Variants in CYTH3 observed in about 807,000 individuals in gnomAD.
CYTH3 encodes cytohesin-3.
CYTH3 carries 23 observed loss-of-function variants against 55.1 expected under a neutral mutation model. That is an observed-to-expected ratio of 0.42 (90% CI 0.30 to 0.59). CYTH3 has a LOEUF of 0.59. Ranked by LOEUF, CYTH3 falls within the 20% of genes least tolerant of loss-of-function variation. CYTH3 has a pLI of 0.20. For synonymous variants in CYTH3, 249 were observed against 194.9 expected (o/e 1.28, Z -2.31); for missense variants, 413 against 524.8 (o/e 0.79, Z 2.08).
In CYTH3 at chr7:6,272,493, G is replaced by T; in HGVS notation, c.15C>A (p.Gly5=). 7.4e-7 allele frequency: 1 copy of T among 1,360,410 alleles called. No homozygotes were observed. The highest frequency in any genetic ancestry group is 9.6e-7 in the Non-Finnish European group (1 of 1,046,590). 84.3% of individuals were successfully genotyped at this position (1,360,410 alleles called of 1,614,324 possible). ...ACTCACCGCCACCACCCTCGCCGCC[G>T]CCGTCTTCATCCATCTTGAGGCCAC... MDED[G]GGEGGGVPED... Residue 5 remains glycine (G), a synonymous_variant, in exon 1 of 13, where the codon GGC becomes GGA. Coordinates refer to ENST00000350796, the MANE Select transcript of CYTH3 (RefSeq NM_004227.4).
At position 6,244,885 on chromosome 7, in the gene CYTH3, T is replaced by A. The variant is rs935068078; in HGVS notation, c.34+27589A>T. On this transcript the variant is annotated intron_variant, in intron 1 of 12. Coordinates refer to ENST00000350796, the MANE Select transcript of CYTH3 (RefSeq NM_004227.4). ...CTCACTGCAACCTCTGCCTCCCGGGTTCACGCCATTCTCCTGCCTCAGCCT... is the reference window on the plus strand; with the variant it reads ...CTCACTGCAACCTCTGCCTCCCGGGATCACGCCATTCTCCTGCCTCAGCCT... Among the ~76,000 whole-genome samples the A allele has an allele frequency of 2.1e-5, 3 of 145,522 alleles. No homozygotes were observed. In the South Asian group the frequency reaches 6.7e-4, roughly 33 times the overall value.
Position 6,164,620 on chromosome 7 carries a change from T to A in CYTH3, c.*324A>T. ...AAGCTGCTGTCCTGGCTTCTCCCCC[T>A]AGGGGCGCCGGGATGGTCGCAGGAA... is the stretch of plus-strand genomic sequence containing the variant. On this transcript the variant is annotated 3_prime_UTR_variant, in exon 13 of 13. Coordinates refer to ENST00000350796, the MANE Select transcript of CYTH3 (RefSeq NM_004227.4). 2.6e-6 allele frequency: 1 copy of A among 383,862 alleles called. No individual in the cohort carries two copies. 23.8% of individuals were successfully genotyped at this position (383,862 alleles called of 1,614,324 possible). A position where few individuals can be genotyped will look rare whatever the true frequency, so the allele number is the denominator to read the frequency against.
Position 6,164,892 on chromosome 7 carries a change from G to A in CYTH3, c.*52C>T, listed in dbSNP as rs2128535085. 2.5e-6 allele frequency: 4 copies of A among 1,606,696 alleles called. No individual in the cohort carries two copies. The highest frequency in any genetic ancestry group is 1.7e-5 in the Admixed American group (1 of 59,952). ...GCCTTCCGCGGAGGGGCCGCCCGCG[G>A]TGTCTTTCTGCTGGGGTTGGGTCTT... On this transcript the variant is annotated 3_prime_UTR_variant, in exon 13 of 13. Coordinates refer to ENST00000350796, the MANE Select transcript of CYTH3 (RefSeq NM_004227.4).
chr7:6,214,830 G>A (rs575891427), intron 1 of CYTH3, among the ~76,000 whole-genome samples: 98 of 152,016 alleles, frequency 6.4e-4, no homozygotes, highest in Non-Finnish European at 1.2e-3. Context: ...ATGCCAAAGC[G>A]AATATTCGCT....
intron 1 of CYTH3, among the ~76,000 whole-genome samples, chr7:6,255,066 T>A (rs1182067780): frequency 6.6e-6 from 1 of 152,206 alleles, no homozygotes; most frequent in African/African-American, 2.4e-5. Context: ...GACTAACAGT[T>A]TTGAATGCCT....
intron 1 of CYTH3, among the ~76,000 whole-genome samples, chr7:6,200,061 T>C (rs1238893193): frequency 6.6e-6 from 1 of 152,216 alleles, no homozygotes; most frequent in Non-Finnish European, 1.5e-5. Context: ...AGATGTATGC[T>C]TAATTTCAGG....
chr7:6,186,267 T>C (rs1583759149), intron 4 of CYTH3, among the ~76,000 whole-genome samples: 1 of 130,634 alleles, frequency 7.7e-6, no homozygotes, highest in Non-Finnish European at 1.6e-5. Flanking sequence ...AAAAAAAAAG[T>C]GCAGACCGAC....
chr7:6,257,801 T>C lies in CYTH3; in HGVS notation c.34+14673A>G, dbSNP rs927854454. Among the ~76,000 whole-genome samples, 12 of 152,278 alleles carry C rather than the reference T, an allele frequency of 7.9e-5. No homozygotes were observed. The South Asian group carries it at 8.3e-4, about 11-fold the overall frequency. On this transcript the variant is annotated intron_variant, in intron 1 of 12. Transcript: ENST00000350796. ...CAAGTTACAGTACACTGCTGTTCAA[T>C]CATTTAAACAAGAGGGGTATTTACT...
At chr7:6,248,589 C>T (rs963123226) in intron 1 of CYTH3, among the ~76,000 whole-genome samples, 1 of 152,150 alleles carries the variant, frequency 6.6e-6, no homozygotes, top group Non-Finnish European at 1.5e-5. Flanking sequence ...GTGTTGAAGC[C>T]GCGTGTGTCC....
At chr7:6,220,814 G>A (rs757921155) in intron 1 of CYTH3, among the ~76,000 whole-genome samples, 9 of 152,168 alleles carry the variant, frequency 5.9e-5, no homozygotes, top group Non-Finnish European at 8.8e-5. Context: ...TGGGCAACAC[G>A]GTGAAACCCC....
intron 1 of CYTH3, among the ~76,000 whole-genome samples, chr7:6,214,010 G>C (rs961438100): frequency 7.9e-5 from 12 of 152,178 alleles, no homozygotes; most frequent in African/African-American, 2.9e-4. Context: ...CCTTGTAAGA[G>C]GAACTAGAGC....
At chr7:6,257,758 A>G (rs1421484806) in intron 1 of CYTH3, among the ~76,000 whole-genome samples, 1 of 152,192 alleles carries the variant, frequency 6.6e-6, no homozygotes, top group Non-Finnish European at 1.5e-5. Context: ...CCAGTATCAC[A>G]CCAGATGCCT....
At chr7:6,243,277 T>C (rs1414685023) in intron 1 of CYTH3, among the ~76,000 whole-genome samples, 3 of 152,130 alleles carry the variant, frequency 2.0e-5, no homozygotes, top group African/African-American at 4.8e-5. Context: ...TCTCTGTGCA[T>C]AGAGGAGCAG....
chr7:6,218,731 G>A (rs1784479799), intron 1 of CYTH3, among the ~76,000 whole-genome samples: 1 of 152,140 alleles, frequency 6.6e-6, no homozygotes, highest in Non-Finnish European at 1.5e-5. Context: ...CACTTGCCAG[G>A]CACGGTGGCT....
At chr7:6,190,097 T>G (rs766428849) in intron 2 of CYTH3, among the ~76,000 whole-genome samples, 7 of 152,132 alleles carry the variant, frequency 4.6e-5, no homozygotes, top group Admixed American at 3.3e-4. Flanking sequence ...AGGGTCTCAG[T>G]GCACAATTTG....
chr7:6,251,690 T>C (rs1214366004), intron 1 of CYTH3, among the ~76,000 whole-genome samples: 1 of 152,204 alleles, frequency 6.6e-6, no homozygotes, highest in Non-Finnish European at 1.5e-5. Flanking sequence ...ATAATAAATA[T>C]GTTTATGACT....
intron 1 of CYTH3, among the ~76,000 whole-genome samples, chr7:6,240,224 G>C (rs974338819): frequency 1.3e-5 from 2 of 148,854 alleles, no homozygotes; most frequent in Non-Finnish European, 3.0e-5. Context: ...AATTGCTTCA[G>C]CCTGGGATGT....
chr7:6,234,353 T>C (rs867017689), intron 1 of CYTH3, among the ~76,000 whole-genome samples: 3 of 152,286 alleles, frequency 2.0e-5, no homozygotes, highest in South Asian at 4.1e-4. Context: ...AGGACTGCCT[T>C]CCCAAGAATT....
intron 1 of CYTH3, among the ~76,000 whole-genome samples, chr7:6,257,864 C>T (rs766318231): frequency 9.9e-5 from 15 of 152,088 alleles, no homozygotes; most frequent in Non-Finnish European, 1.6e-4. Flanking sequence ...AGGGAGGTTC[C>T]TGGGTGGGTG....
Sources: allele counts gnomAD v4.1 joint callset (sites outside exome capture counted in the v4.1 genomes callset), GRCh38; gene constraint gnomAD v4.1.1; transcripts MANE v1.5; gene names NCBI Gene and HGNC (gene_info 2026-07-23, HGNC 2026-07-21).